The following RIMS1 variants were observed in gnomAD, a reference collection of about 807,000 sequenced individuals.
RIMS1 encodes regulating synaptic membrane exocytosis 1, also known as regulating synaptic membrane exocytosis protein 1.
Under a neutral mutation model 214.1 loss-of-function variants are expected in RIMS1, and 83 were observed. That is an observed-to-expected ratio of 0.39 (90% CI 0.32 to 0.47). The LOEUF (loss-of-function observed/expected upper bound fraction) is 0.47, where lower values mean the gene tolerates loss of function less well. Among genes scored for constraint, RIMS1 ranks in the 20% least tolerant of loss-of-function variants. RIMS1 has a pLI of 0.99. For missense variants in RIMS1, 2,050 were observed against 2,161.8 expected (o/e 0.95, Z 1.03); for synonymous variants, 793 against 786.8 (o/e 1.01, Z -0.13).
At chr6:72,115,377 T>G (rs922121375) in intron 4 of RIMS1, among the ~76,000 whole-genome samples, 1 of 151,982 alleles carries the variant, frequency 6.6e-6, no homozygotes, top group Non-Finnish European at 1.5e-5. Flanking sequence ...ATCCTTCGTA[T>G]GTCAATCAAA....
At chr6:72,245,771 G>A (rs1439117424) in intron 10 of RIMS1, 44 bp from the exon 11 acceptor site, 1 of 1,494,162 alleles carries the variant, frequency 6.7e-7, no homozygotes, top group Non-Finnish European at 9.3e-7. Flanking sequence ...CTCAGGCAGG[G>A]TCATTTAACT....
At chr6:72,134,973 T>C (rs2041044633) in intron 4 of RIMS1, among the ~76,000 whole-genome samples, 1 of 152,046 alleles carries the variant, frequency 6.6e-6, no homozygotes, top group African/African-American at 2.4e-5. Flanking sequence ...ACATTCAGTT[T>C]GAGTACATTT....
chr6:72,236,720 G>A (rs544129464), intron 8 of RIMS1, among the ~76,000 whole-genome samples: 1 of 149,162 alleles, frequency 6.7e-6, no homozygotes, highest in East Asian at 2.0e-4. Context: ...AGCAACATTG[G>A]AAGAAGAAAA....
At chr6:71,958,485 T>G (rs951431628) in intron 1 of RIMS1, among the ~76,000 whole-genome samples, 3 of 152,236 alleles carry the variant, frequency 2.0e-5, no homozygotes, top group Admixed American at 1.3e-4. Context: ...GTTCATTACA[T>G]TTGAGTTTTG....
intron 2 of RIMS1, among the ~76,000 whole-genome samples, chr6:72,044,680 G>A (rs1822445888): frequency 6.6e-6 from 1 of 151,694 alleles, no homozygotes; most frequent in Admixed American, 6.6e-5. Context: ...CCACTAGAGT[G>A]GCTAAAATTA....
chr6:72,320,217 G>A (rs184595991), intron 28 of RIMS1, among the ~76,000 whole-genome samples: 4 of 152,174 alleles, frequency 2.6e-5, no homozygotes, highest in Admixed American at 1.3e-4. Flanking sequence ...GTGTTCTAAT[G>A]AACCTTATTG....
At chr6:72,208,767 A>C (rs2154002925) in intron 6 of RIMS1, among the ~76,000 whole-genome samples, 1 of 152,266 alleles carries the variant, frequency 6.6e-6, no homozygotes, top group Non-Finnish European at 1.5e-5. Flanking sequence ...ATCTTTCTTG[A>C]TGTTCCTTTC....
chr6:72,086,954 G>A (rs1237511223), intron 2 of RIMS1, among the ~76,000 whole-genome samples: 1 of 151,840 alleles, frequency 6.6e-6, no homozygotes, highest in Non-Finnish European at 1.5e-5. Context: ...GAATAATGAG[G>A]GCCTTCATTC....
At chr6:72,132,340 C>T (rs937144696) in intron 4 of RIMS1, among the ~76,000 whole-genome samples, 1 of 152,160 alleles carries the variant, frequency 6.6e-6, no homozygotes, top group African/African-American at 2.4e-5. Flanking sequence ...TCTTCACAAT[C>T]CATGTTCTTC....
At chr6:72,107,121 T>G (rs1326472274) in intron 4 of RIMS1, among the ~76,000 whole-genome samples, 2 of 152,222 alleles carry the variant, frequency 1.3e-5, no homozygotes, top group African/African-American at 4.8e-5. Context: ...TCTTTCTGCA[T>G]CATTTACACT....
chr6:71,945,405 A>C (rs1330263555), intron 1 of RIMS1, among the ~76,000 whole-genome samples: 1 of 152,128 alleles, frequency 6.6e-6, no homozygotes, highest in Non-Finnish European at 1.5e-5. Context: ...TTCACCTTCT[A>C]GTTTGCCTGT....
intron 5 of RIMS1, among the ~76,000 whole-genome samples, chr6:72,181,634 T>C (rs2496507): frequency 0.46 from 69,544 of 152,054 alleles, 17,352 homozygotes; most frequent in East Asian, 0.82. Flanking sequence ...TTACTAATGA[T>C]ATAAATTCAC....
intron 28 of RIMS1, among the ~76,000 whole-genome samples, chr6:72,332,769 C>T (rs191087514): frequency 4.8e-4 from 73 of 151,414 alleles, no homozygotes; most frequent in African/African-American, 1.7e-3. Flanking sequence ...TTTACTTTGG[C>T]TAGTAGAAAG....
chr6:72,341,965 A>C (rs80321975), intron 29 of RIMS1, among the ~76,000 whole-genome samples: 2,134 of 151,952 alleles, frequency 0.014, 52 homozygotes, highest in African/African-American at 0.048. Context: ...CACAATTTTC[A>C]AACAGTTGTC....
chr6:71,939,444 A>T (rs551866364), intron 1 of RIMS1, among the ~76,000 whole-genome samples: 1 of 152,322 alleles, frequency 6.6e-6, no homozygotes, highest in South Asian at 2.1e-4. Context: ...TATTTGTTAT[A>T]GCAACAAGCC....
At chr6:71,936,227 T>C (rs886067955) in intron 1 of RIMS1, among the ~76,000 whole-genome samples, 2 of 144,448 alleles carry the variant, frequency 1.4e-5, no homozygotes, top group African/African-American at 5.2e-5. Context: ...CTCGGGAGGC[T>C]GAGGCAGGAG....
chr6:72,294,951 C>A (rs1370860281), intron 26 of RIMS1, among the ~76,000 whole-genome samples: 2 of 151,624 alleles, frequency 1.3e-5, no homozygotes, highest in Admixed American at 1.3e-4. Flanking sequence ...GCAAAGACTT[C>A]CACAAAATTT....
At chr6:72,063,231 T>G (rs1323439217) in intron 2 of RIMS1, among the ~76,000 whole-genome samples, 2 of 152,090 alleles carry the variant, frequency 1.3e-5, no homozygotes, top group Non-Finnish European at 2.9e-5. Flanking sequence ...GAGGAAGTAT[T>G]AATTCCCCCT....
At chr6:72,056,317 G>A (rs1196674195) in intron 2 of RIMS1, among the ~76,000 whole-genome samples, 1 of 152,112 alleles carries the variant, frequency 6.6e-6, no homozygotes, top group Admixed American at 6.5e-5. Flanking sequence ...CAGGTACTAT[G>A]CTTATTACCT....
Sources: gnomAD v4.1 joint callset for allele counts (sites outside exome capture counted in the v4.1 genomes callset) on GRCh38, gnomAD v4.1.1 for gene constraint, MANE v1.5 for transcripts, NCBI Gene and HGNC (gene_info 2026-07-23, HGNC 2026-07-21) for gene names.